Variants in C8orf34 observed in about 807,000 individuals in gnomAD.
The protein encoded by C8orf34 is chromosome 8 open reading frame 34, also known as uncharacterized protein C8orf34.
A neutral mutation model predicts 68.3 loss-of-function variants in C8orf34; 65 were observed. That is an observed-to-expected ratio of 0.95 (90% CI 0.78 to 1.17). The LOEUF (loss-of-function observed/expected upper bound fraction) is 1.17, where lower values mean the gene tolerates loss of function less well. C8orf34 is among the 50% of genes most tolerant of loss of function. C8orf34 has a pLI of 0.00. For synonymous variants in C8orf34, 244 were observed against 241.2 expected (o/e 1.01, Z -0.11); for missense variants, 664 against 655.4 (o/e 1.01, Z -0.14).
At position 68,763,225 on chromosome 8, in the gene C8orf34, G is replaced by A. The variant is rs375233734; in HGVS notation, c.1405-13174G>A. On this transcript the variant is annotated intron_variant, in intron 10 of 13. Coordinates refer to ENST00000518698, the MANE Select transcript of C8orf34 (RefSeq NM_052958.4). ...GGTTTAGACAATGGTATAATCTTTC[G>A]TTAGTGGAATGTGATTGCAGTGATA... Among the ~76,000 whole-genome samples, 23 of 152,256 alleles carry A rather than the reference G, an allele frequency of 1.5e-4. No individual in the cohort carries two copies. In the East Asian group the frequency reaches 2.5e-3, roughly 17 times the overall value.
At chr8:68,485,364 A>C (rs1813028686) in intron 4 of C8orf34, among the ~76,000 whole-genome samples, 1 of 152,172 alleles carries the variant, frequency 6.6e-6, no homozygotes, top group South Asian at 2.1e-4. Context: ...CTAAAAGTTA[A>C]ATGAGAAAAC....
At chr8:68,539,817 G>A (rs987282051) in intron 7 of C8orf34, among the ~76,000 whole-genome samples, 4 of 151,730 alleles carry the variant, frequency 2.6e-5, no homozygotes, top group African/African-American at 9.7e-5. Context: ...TTATGCCATT[G>A]CACTCCACCC....
chr8:68,460,102 C>T (rs1811733186), intron 3 of C8orf34, among the ~76,000 whole-genome samples: 1 of 152,196 alleles, frequency 6.6e-6, no homozygotes, highest in Non-Finnish European at 1.5e-5. Context: ...CTGTGCTTTT[C>T]CGACAAGCTT....
At chr8:68,513,488 C>A (rs1814368109) in intron 5 of C8orf34, among the ~76,000 whole-genome samples, 1 of 152,148 alleles carries the variant, frequency 6.6e-6, no homozygotes, top group Admixed American at 6.5e-5. Flanking sequence ...AAGACAGAGG[C>A]TTGATTTCAC....
intron 5 of C8orf34, among the ~76,000 whole-genome samples, chr8:68,505,371 T>C (rs1813962448): frequency 6.6e-6 from 1 of 152,178 alleles, no homozygotes; most frequent in Non-Finnish European, 1.5e-5. Flanking sequence ...TGCCAGTAGC[T>C]GGTGGGTTTG....
chr8:68,761,167 A>C (rs1823013858), intron 10 of C8orf34, among the ~76,000 whole-genome samples: 1 of 152,212 alleles, frequency 6.6e-6, no homozygotes, highest in Non-Finnish European at 1.5e-5. Flanking sequence ...GGTTATAATT[A>C]TGAGAAACAA....
chr8:68,587,573 T>TA (rs1185489858), intron 7 of C8orf34, among the ~76,000 whole-genome samples: 2 of 151,866 alleles, frequency 1.3e-5, no homozygotes, highest in Non-Finnish European at 2.9e-5. Context: ...AAGCATTGTA[T>TA]AAAAAATATA....
chr8:68,574,983 A>G (rs958147816), intron 7 of C8orf34, among the ~76,000 whole-genome samples: 2 of 151,912 alleles, frequency 1.3e-5, no homozygotes, highest in Non-Finnish European at 1.5e-5. Flanking sequence ...TCCTTTTTGT[A>G]TATGTACAGA....
intron 4 of C8orf34, 24 bp from the exon 5 acceptor site, chr8:68,487,999 T>G (rs1424109259): frequency 6.4e-7 from 1 of 1,562,556 alleles, no homozygotes; most frequent in Non-Finnish European, 8.7e-7. Flanking sequence ...AAACTTTTTT[T>G]TATAAATCTC....
rs1261009721 is a variant in C8orf34 at position 68,798,817 on chromosome 8, G to A, written c.1549+11281G>A. Among the ~76,000 whole-genome samples, 5 of 152,228 alleles carry A rather than the reference G, an allele frequency of 3.3e-5. No individual in the cohort carries two copies. In the Middle Eastern group the frequency reaches 0.01, roughly 311 times the overall value. ...CTGTGATATTATGAAAGGTCCAATT[G>A]ATTCCTAAGGCCCTAGAAAAAAATT... is the stretch of plus-strand genomic sequence containing the variant. On this transcript the variant is annotated intron_variant, in intron 12 of 13. Coordinates refer to ENST00000518698, the MANE Select transcript of C8orf34 (RefSeq NM_052958.4).
intron 10 of C8orf34, among the ~76,000 whole-genome samples, chr8:68,754,599 C>T (rs1407614968): frequency 6.6e-6 from 1 of 152,194 alleles, no homozygotes; most frequent in African/African-American, 2.4e-5. Flanking sequence ...GTCCCAGCCA[C>T]AGTGAATTAA....
chr8:68,620,184 G>A (rs1002412974), intron 7 of C8orf34, among the ~76,000 whole-genome samples: 4 of 152,200 alleles, frequency 2.6e-5, no homozygotes, highest in Non-Finnish European at 5.9e-5. Context: ...GAGCTCCTAT[G>A]TGACAGGGAG....
chr8:68,480,119 A>G (rs1812796336), intron 4 of C8orf34, among the ~76,000 whole-genome samples: 1 of 152,246 alleles, frequency 6.6e-6, no homozygotes, highest in African/African-American at 2.4e-5. Flanking sequence ...CTTGAATTGT[A>G]TCTCCCAGAA....
intron 12 of C8orf34, among the ~76,000 whole-genome samples, chr8:68,808,648 T>C (rs1824555397): frequency 6.6e-6 from 1 of 151,906 alleles, no homozygotes; most frequent in African/African-American, 2.4e-5. Flanking sequence ...TTATTTAAAA[T>C]ATATGAGAGA....
At chr8:68,756,029 T>A (rs1822849042) in intron 10 of C8orf34, among the ~76,000 whole-genome samples, 1 of 151,020 alleles carries the variant, frequency 6.6e-6, no homozygotes, top group Admixed American at 6.6e-5. Context: ...ATTGCGCCAC[T>A]GCACTCCAGC....
intron 7 of C8orf34, among the ~76,000 whole-genome samples, chr8:68,617,141 G>A (rs1448622469): frequency 6.6e-6 from 1 of 152,090 alleles, no homozygotes; most frequent in Non-Finnish European, 1.5e-5. Flanking sequence ...CATTTGCTTG[G>A]TAGATCTTCC....
rs1205289427 is a variant in C8orf34, at chr8:68,616,392, T to A, written c.1106-23984T>A. Reference sequence around the variant, plus strand: ...TTTAATTGTGATGTTAGGGTGTCAATTTTGGATCTTTCCTGCTTTCTCTTG... The same window carrying A: ...TTTAATTGTGATGTTAGGGTGTCAAATTTGGATCTTTCCTGCTTTCTCTTG... On this transcript the variant is annotated intron_variant, in intron 7 of 13. Coordinates refer to ENST00000518698, the MANE Select transcript of C8orf34 (RefSeq NM_052958.4). Among the ~76,000 whole-genome samples the A allele has an allele frequency of 2.0e-5, 3 of 152,350 alleles. No homozygotes were observed. In the East Asian group the frequency reaches 5.8e-4, roughly 29 times the overall value.
chr8:68,355,737 C>T (rs146323188), intron 1 of C8orf34, among the ~76,000 whole-genome samples: 174 of 152,184 alleles, frequency 1.1e-3, no homozygotes, highest in Middle Eastern at 3.4e-3. Flanking sequence ...TGTCTGTGTT[C>T]GTCAGTGGGA....
chr8:68,663,050 G>T (rs777415853), intron 8 of C8orf34, among the ~76,000 whole-genome samples: 2 of 152,168 alleles, frequency 1.3e-5, no homozygotes, highest in Non-Finnish European at 2.9e-5. Flanking sequence ...ATTTGTGAGG[G>T]TCTCTCTCTT....
Sources: allele counts gnomAD v4.1 joint callset (sites outside exome capture counted in the v4.1 genomes callset), GRCh38; gene constraint gnomAD v4.1.1; transcripts MANE v1.5; gene names NCBI Gene and HGNC (gene_info 2026-07-23, HGNC 2026-07-21).